NDST3: variants seen among roughly 807,000 people sequenced by gnomAD.
The protein encoded by NDST3 is N-deacetylase and N-sulfotransferase 3, also known as bifunctional heparan sulfate N-deacetylase/N-sulfotransferase 3.
NDST3 carries 58 observed loss-of-function variants against 96.1 expected under a neutral mutation model. That is an observed-to-expected ratio of 0.60 (90% CI 0.49 to 0.75). The LOEUF (loss-of-function observed/expected upper bound fraction) is 0.75, where lower values mean the gene tolerates loss of function less well. Among genes scored for constraint, NDST3 ranks in the 30% least tolerant of loss-of-function variants. The probability of loss-of-function intolerance (pLI) is 0.00; values close to 1 mark genes in which losing one functional copy is unlikely to be tolerated. For missense variants in NDST3, 788 were observed against 1,034.2 expected, an observed-to-expected ratio of 0.76 and a Z score of 3.27; for synonymous variants, 333 against 359.7, an observed-to-expected ratio of 0.93 and a Z score of 0.84.
intron 2 of NDST3, among the ~76,000 whole-genome samples, chr4:118,063,586 T>G (rs1197767743): frequency 6.6e-6 from 1 of 152,192 alleles, no homozygotes; most frequent in African/African-American, 2.4e-5. Flanking sequence ...ATCTTTTTTG[T>G]ATCTCTATGC....
intron 6 of NDST3, among the ~76,000 whole-genome samples, chr4:118,203,438 C>A (rs1379361494): frequency 6.6e-6 from 1 of 152,118 alleles, no homozygotes; most frequent in East Asian, 1.9e-4. Flanking sequence ...CCATCTGAGC[C>A]AGGGCTTTTT....
intron 6 of NDST3, among the ~76,000 whole-genome samples, chr4:118,151,440 A>G (rs1000299484): frequency 2.0e-5 from 3 of 152,128 alleles, no homozygotes; most frequent in Non-Finnish European, 2.9e-5. Flanking sequence ...AAAATAAAAT[A>G]AAATAAAAGT....
At chr4:118,125,585 T>G (rs1731983452) in intron 4 of NDST3, among the ~76,000 whole-genome samples, 1 of 152,076 alleles carries the variant, frequency 6.6e-6, no homozygotes, top group Non-Finnish European at 1.5e-5. Flanking sequence ...GGAGTTTAAG[T>G]TTGTTCATGG....
At chr4:118,121,874 T>A (rs1235573510) in intron 4 of NDST3, among the ~76,000 whole-genome samples, 4 of 152,324 alleles carry the variant, frequency 2.6e-5, no homozygotes, top group East Asian at 3.9e-4. Flanking sequence ...CTCATTTGGA[T>A]ATATCATTTG....
chr4:118,069,972 C>A (rs922264859), intron 2 of NDST3, among the ~76,000 whole-genome samples: 1 of 152,044 alleles, frequency 6.6e-6, no homozygotes, highest in Non-Finnish European at 1.5e-5. Context: ...AAGGCTGATA[C>A]AACCTCTTTC....
At position 118,256,611 on chromosome 4, in the gene NDST3, T is replaced by C. The variant is rs1247383093; in HGVS notation, c.*899T>C. On this transcript the variant is annotated 3_prime_UTR_variant, in exon 14 of 14. Transcript: ENST00000296499. ...GTAGTCCTCACTAGTTCTACAGAAATGCATGCCTAGAGTCTGAGGTATGTG... is the reference window on the plus strand; with the variant it reads ...GTAGTCCTCACTAGTTCTACAGAAACGCATGCCTAGAGTCTGAGGTATGTG... 6 of 152,190 alleles carry C rather than the reference T, an allele frequency of 3.9e-5. No homozygotes were observed. The highest frequency in any genetic ancestry group is 1.2e-4 in the African/African-American group (5 of 41,452). The allele number at this position is 152,190 out of a possible 1,614,324, so 9.4% of individuals were successfully genotyped here.
chr4:118,163,978 C>A (rs1376981215), intron 6 of NDST3, among the ~76,000 whole-genome samples: 1 of 152,056 alleles, frequency 6.6e-6, no homozygotes, highest in Non-Finnish European at 1.5e-5. Flanking sequence ...ACCATTTGAT[C>A]CAGCAATCCC....
chr4:118,194,283 C>G, intron 6 of NDST3: 1 of 730,664 alleles, frequency 1.4e-6, no homozygotes, highest in Non-Finnish European at 2.5e-6. Flanking sequence ...TAGCCTTCAC[C>G]GCAAGTCTGT....
chr4:118,067,491 C>A (rs1249072602), intron 2 of NDST3, among the ~76,000 whole-genome samples: 1 of 152,112 alleles, frequency 6.6e-6, no homozygotes. Context: ...CTTGCTAGGA[C>A]TGTCCTGCTA....
chr4:118,191,725 C>T (rs1737319907), intron 6 of NDST3, among the ~76,000 whole-genome samples: 1 of 152,142 alleles, frequency 6.6e-6, no homozygotes, highest in Admixed American at 6.5e-5. Context: ...CAATTATGCT[C>T]TTTTAGTAAT....
chr4:118,117,012 G>C (rs904053673), intron 4 of NDST3, among the ~76,000 whole-genome samples: 2 of 152,170 alleles, frequency 1.3e-5, no homozygotes, highest in Non-Finnish European at 2.9e-5. Flanking sequence ...CCACCTAAGT[G>C]TTAAGCAAAG....
intron 6 of NDST3, among the ~76,000 whole-genome samples, chr4:118,220,231 A>T (rs768104490): frequency 1.3e-5 from 2 of 152,138 alleles, no homozygotes; most frequent in Non-Finnish European, 2.9e-5. Flanking sequence ...GATAGACTAG[A>T]TAAAGAAAAT....
intron 12 of NDST3, among the ~76,000 whole-genome samples, chr4:118,242,851 G>A (rs142143571): frequency 3.3e-5 from 5 of 152,132 alleles, no homozygotes; most frequent in African/African-American, 4.8e-5. Context: ...AGTCACTCTC[G>A]GAGGTGTGCC....
At chr4:118,095,588 T>A (rs182326146) in intron 2 of NDST3, among the ~76,000 whole-genome samples, 3 of 151,940 alleles carry the variant, frequency 2.0e-5, no homozygotes, top group Non-Finnish European at 4.4e-5. Context: ...CAGGTGAAAT[T>A]CACTTATGTA....
chr4:118,238,957 A>G (rs1395221629), intron 10 of NDST3, among the ~76,000 whole-genome samples: 1 of 152,238 alleles, frequency 6.6e-6, no homozygotes, highest in Admixed American at 6.5e-5. Flanking sequence ...AGAGCTGTGT[A>G]AAGGAGTTAT....
At chr4:118,039,059 T>C (rs1355025889) in intron 1 of NDST3, among the ~76,000 whole-genome samples, 1 of 152,224 alleles carries the variant, frequency 6.6e-6, no homozygotes, top group Non-Finnish European at 1.5e-5. Context: ...AACTAATTGC[T>C]TCTTCTGCCT....
intron 1 of NDST3, among the ~76,000 whole-genome samples, chr4:118,040,529 TG>T (rs1724383534): frequency 6.6e-6 from 1 of 152,168 alleles, no homozygotes. Context: ...TAAGCTAAAA[TG>T]CTCATAGCTA....
At chr4:118,142,265 T>A (rs1235795890) in intron 5 of NDST3, among the ~76,000 whole-genome samples, 2 of 151,886 alleles carry the variant, frequency 1.3e-5, no homozygotes, top group African/African-American at 4.8e-5. Context: ...TCTAAGGATA[T>A]AACTTCTACC....
At chr4:118,074,069 T>TTAATTGTA (rs1371501841) in intron 2 of NDST3, among the ~76,000 whole-genome samples, 1 of 152,188 alleles carries the variant, frequency 6.6e-6, no homozygotes, top group Non-Finnish European at 1.5e-5. Context: ...TTAATTTTCA[T>TTAATTGTA]GTAATTGTAT....
Sources: gnomAD v4.1 joint callset for allele counts (sites outside exome capture counted in the v4.1 genomes callset) on GRCh38, gnomAD v4.1.1 for gene constraint, MANE v1.5 for transcripts, NCBI Gene and HGNC (gene_info 2026-07-23, HGNC 2026-07-21) for gene names.